BPTF: variants seen among roughly 807,000 people sequenced by gnomAD.
The protein encoded by BPTF is bromodomain PHD finger transcription factor, also known as nucleosome-remodeling factor subunit BPTF.
BPTF carries 18 observed loss-of-function variants against 292.5 expected under a neutral mutation model. The observed-to-expected ratio is 0.06, with a 90% CI of 0.04 to 0.09. The LOEUF (loss-of-function observed/expected upper bound fraction) is 0.09. Ranked by LOEUF, BPTF falls within the 10% of genes least tolerant of loss-of-function variation. The probability of loss-of-function intolerance (pLI) is 1.00; values close to 1 mark genes in which losing one functional copy is unlikely to be tolerated. For synonymous variants in BPTF, 1,225 were observed against 1,251.9 expected (o/e 0.98, Z 0.45); for missense variants, 2,726 against 3,498.7 (o/e 0.78, Z 5.57).
chr17:67,838,473 G>A (rs950815544), intron 1 of BPTF, among the ~76,000 whole-genome samples: 1 of 151,982 alleles, frequency 6.6e-6, no homozygotes, highest in African/African-American at 2.4e-5. Context: ...GTAAACATGT[G>A]TATGTACATA....
At chr17:67,852,666 A>T (rs1489096526) in intron 1 of BPTF, among the ~76,000 whole-genome samples, 1 of 152,252 alleles carries the variant, frequency 6.6e-6, no homozygotes, top group Non-Finnish European at 1.5e-5. Flanking sequence ...GAAAACCCAC[A>T]TAAAAATTTC....
chr17:67,867,349 CTT>C (rs1351363013), intron 3 of BPTF, among the ~76,000 whole-genome samples: 1 of 152,028 alleles, frequency 6.6e-6, no homozygotes, highest in East Asian at 1.9e-4. Flanking sequence ...AAAAATAAAA[CTT>C]TAAATTTTAG....
intron 1 of BPTF, among the ~76,000 whole-genome samples, chr17:67,836,944 T>A (rs2057177765): frequency 6.6e-6 from 1 of 152,230 alleles, no homozygotes; most frequent in African/African-American, 2.4e-5. Context: ...GGATTTCTGA[T>A]CCTCTGTAAA....
rs1281445230 is a variant in BPTF at position 67,847,021 on chromosome 17, G to GT, written c.614-6912dup. On this transcript the variant is annotated intron_variant, in intron 1 of 27. Coordinates refer to ENST00000306378, the MANE Select transcript of BPTF (RefSeq NM_182641.4). ...CAGCTGGACTTGTGGGTTTGTTGTT[G>GT]TTTTTTTGTTTTATTTGGGACCTGT... Among the ~76,000 whole-genome samples the GT allele has an allele frequency of 3.3e-5, 5 of 152,140 alleles. No individual in the cohort carries two copies. The East Asian group carries it at 9.6e-4, about 29-fold the overall frequency.
At chr17:67,963,508 T>C in intron 24 of BPTF, 1 of 1,517,810 alleles carries the variant, frequency 6.6e-7, no homozygotes, top group Non-Finnish European at 8.8e-7. Context: ...TGAGTCACAG[T>C]GAGTTCTGAT....
At position 67,945,732 on chromosome 17, in the gene BPTF, C is replaced by T. The variant is rs1358287051; in HGVS notation, c.7024C>T (p.Arg2342Cys). 4 of 1,614,170 alleles carry T rather than the reference C, an allele frequency of 2.5e-6. No individual in the cohort carries two copies. The highest frequency in any genetic ancestry group is 1.3e-5 in the African/African-American group (1 of 75,032). ...QSNVQGQSPV[R>C]VQSPSQTRIR... Reference sequence around the variant, plus strand: ...TAATGTCCAAGGACAGTCTCCTGTTCGTGTCCAAAGTCCATCACAGACTCG... The same window carrying T: ...TAATGTCCAAGGACAGTCTCCTGTTTGTGTCCAAAGTCCATCACAGACTCG... The change falls in exon 21 of 28, where the codon CGT becomes TGT. Residue 2342 changes from arginine to cysteine, a missense_variant. Physicochemically the swap from Arg to Cys is radical, Grantham distance 180. Around this residue, in one of 22 missense-constraint regions of BPTF, gnomAD observed 570 missense variants for 633.5 expected, o/e 0.90. Transcript: ENST00000306378.
chr17:67,966,492 T>C (rs1255329342), intron 25 of BPTF, 80 bp from the exon 26 acceptor site: 10 of 1,277,260 alleles, frequency 7.8e-6, no homozygotes, highest in Non-Finnish European at 1.1e-5. Context: ...TTTGGGTTCA[T>C]TGATGTAGTA....
At chr17:67,853,880 G>A in intron 1 of BPTF, 60 bp from the exon 2 acceptor site, 2 of 1,367,908 alleles carry the variant, frequency 1.5e-6, no homozygotes, top group South Asian at 2.7e-5. Flanking sequence ...GTTCAAATAG[G>A]AAATTTGTAG....
intron 4 of BPTF, among the ~76,000 whole-genome samples, chr17:67,881,752 C>T (rs976226975): frequency 7.3e-5 from 11 of 151,058 alleles, no homozygotes; most frequent in African/African-American, 1.9e-4. Context: ...CTGCCCACCT[C>T]GGCCTCCCAA....
rs1046398770 is a variant in BPTF at position 67,887,325 on chromosome 17, G to A, written c.1865-4519G>A. Among the ~76,000 whole-genome samples, 5 of 152,028 alleles carry A rather than the reference G, an allele frequency of 3.3e-5. 1 individual carries two copies. Among genetic ancestry groups the A allele is most frequent in the South Asian group, 4.2e-4 (2 of 4,818 alleles). ...TTTTTCTTTAATGAATTTTAGGAATGCTTTATGTATTGTTGCTATTAATCT... is the reference window on the plus strand; with the variant it reads ...TTTTTCTTTAATGAATTTTAGGAATACTTTATGTATTGTTGCTATTAATCT... On this transcript the variant is annotated intron_variant, in intron 4 of 27. Transcript: ENST00000306378.
At chr17:67,892,095 C>T in intron 5 of BPTF, 61 bp downstream of exon 5, 19 of 1,255,092 alleles carry the variant, frequency 1.5e-5, no homozygotes, top group Non-Finnish European at 2.0e-5. Flanking sequence ...AATTACCACA[C>T]CTTAAAAATA....
At position 67,944,263 on chromosome 17, in the gene BPTF, G is replaced by A; in HGVS notation, c.6591G>A (p.Met2197Ile). The change falls in exon 20 of 28, where the codon ATG becomes ATA. Residue 2197 changes from methionine to isoleucine, a missense_variant. By Grantham distance (10) the Met-to-Ile change is conservative. Around this residue, in one of 22 missense-constraint regions of BPTF, gnomAD observed 570 missense variants for 633.5 expected, o/e 0.90. Coordinates refer to ENST00000306378, the MANE Select transcript of BPTF (RefSeq NM_182641.4). ...TCCCAGGCCCAGGCCAGCAGCTAATGCAAGCTGCAATGCCAAATGGTACTG... is the reference window on the plus strand; with the variant it reads ...TCCCAGGCCCAGGCCAGCAGCTAATACAAGCTGCAATGCCAAATGGTACTG... Reference protein sequence around the residue: ...TVLPGPGQQLMQAAMPNGTVQ... With the variant: ...TVLPGPGQQLIQAAMPNGTVQ... 6.2e-7 allele frequency: 1 copy of A among 1,614,090 alleles called. No individual in the cohort carries two copies.
intron 4 of BPTF, among the ~76,000 whole-genome samples, chr17:67,890,314 T>A (rs928550571): frequency 1.3e-5 from 2 of 152,220 alleles, no homozygotes; most frequent in Admixed American, 1.3e-4. Flanking sequence ...AGGCTACTTC[T>A]GATTTTGCCG....
At chr17:67,918,416 G>A (rs1194669532) in intron 11 of BPTF, among the ~76,000 whole-genome samples, 1 of 152,050 alleles carries the variant, frequency 6.6e-6, no homozygotes, top group East Asian at 1.9e-4. Flanking sequence ...AAGTCTTCAT[G>A]AATTTTTGCC....
Position 67,854,625 on chromosome 17 carries a change from C to T in BPTF, c.1299C>T (p.Val433=), listed in dbSNP as rs754542236. ...CAGAGGACGAGTGGCAGTGTGAAGT[C>T]TGTGTAGCACACAAGGTGCCTGGTG... ...EVPEDEWQCE[V]CVAHKVPGVT... The change falls in exon 2 of 28, where the codon GTC becomes GTT. Residue 433 remains valine (V), a synonymous_variant. Transcript: ENST00000306378. This position sits in a 1 kb window ranked among gnomAD's most constrained non-coding sequence, Gnocchi z 5.6. The T allele has an allele frequency of 7.4e-6, 12 of 1,614,094 alleles. No individual in the cohort carries two copies. Among genetic ancestry groups the T allele is most frequent in the Non-Finnish European group, 8.5e-6 (10 of 1,180,044 alleles).
intron 1 of BPTF, among the ~76,000 whole-genome samples, chr17:67,851,136 C>G (rs1419795732): frequency 6.6e-6 from 1 of 152,146 alleles, no homozygotes; most frequent in African/African-American, 2.4e-5. Flanking sequence ...AAGGAGAGGT[C>G]TCATGAAGCT....
At chr17:67,879,664 C>A (rs1443139505) in intron 4 of BPTF, among the ~76,000 whole-genome samples, 2 of 151,798 alleles carry the variant, frequency 1.3e-5, no homozygotes, top group Non-Finnish European at 2.9e-5. Flanking sequence ...GTACTGACAT[C>A]TGCATCTGGT....
At chr17:67,842,156 C>T (rs1297034687) in intron 1 of BPTF, among the ~76,000 whole-genome samples, 1 of 151,922 alleles carries the variant, frequency 6.6e-6, no homozygotes, top group Non-Finnish European at 1.5e-5. Flanking sequence ...TATGTAGATA[C>T]ATATAGATAT....
intron 23 of BPTF, chr17:67,956,751 C>A (rs2066985026): frequency 6.7e-6 from 1 of 148,188 alleles, no homozygotes; most frequent in South Asian, 2.1e-4. Context: ...ATCACGAGGT[C>A]AGGAGATCAA....
Sources: allele counts gnomAD v4.1 joint callset (sites outside exome capture counted in the v4.1 genomes callset), GRCh38; gene constraint gnomAD v4.1.1; regional missense constraint gnomAD v4.1.1; non-coding constraint Gnocchi (gnomAD v3.1); transcripts MANE v1.5; gene names NCBI Gene and HGNC (gene_info 2026-07-23, HGNC 2026-07-21).